Variants in JAK2 observed in about 807,000 individuals in gnomAD.
The protein encoded by JAK2 is Janus kinase 2.
Under a neutral mutation model 139.3 loss-of-function variants are expected in JAK2, and 86 were observed. The ratio of observed to expected loss-of-function variants is 0.62; its 90% CI spans 0.52 to 0.74. The LOEUF is 0.74. Among genes scored for constraint, JAK2 ranks in the 30% least tolerant of loss-of-function variants. The pLI is 0.00. For synonymous variants in JAK2, 490 were observed against 437.7 expected (o/e 1.12, Z -1.49); for missense variants, 1,421 against 1,360.3 (o/e 1.04, Z -0.70).
chr9:4,988,508 T>A (rs1225028903), intron 2 of JAK2, among the ~76,000 whole-genome samples: 2 of 152,120 alleles, frequency 1.3e-5, no homozygotes. Flanking sequence ...GGCCTGGGGG[T>A]GTCGTGAAAA....
chr9:5,018,111 T>G (rs77884404), intron 2 of JAK2, among the ~76,000 whole-genome samples: 430 of 152,330 alleles, frequency 2.8e-3, no homozygotes, highest in African/African-American at 0.01. Flanking sequence ...ATTCTTGATA[T>G]GTGAAGGCTT....
At chr9:5,066,314 GTATTTTCTGATA>G (rs1232200524) in intron 9 of JAK2, among the ~76,000 whole-genome samples, 1 of 152,048 alleles carries the variant, frequency 6.6e-6, no homozygotes, top group African/African-American at 2.4e-5. Flanking sequence ...AGAGATATAA[GTATTTTCTGATA>G]TATAATCTTT....
chr9:5,030,804 G>C (rs968563956), intron 4 of JAK2, among the ~76,000 whole-genome samples: 5 of 151,890 alleles, frequency 3.3e-5, no homozygotes, highest in Non-Finnish European at 5.9e-5. Flanking sequence ...AGTTGGATGT[G>C]TTTGCATTTA....
intron 22 of JAK2, among the ~76,000 whole-genome samples, chr9:5,103,726 C>T (rs1012287319): frequency 2.0e-5 from 3 of 152,154 alleles, no homozygotes; most frequent in Non-Finnish European, 2.9e-5. Context: ...GCTCTCAGAG[C>T]ACAGTGCAAT....
intron 22 of JAK2, among the ~76,000 whole-genome samples, chr9:5,106,520 T>C (rs1821966723): frequency 6.6e-6 from 1 of 152,132 alleles, no homozygotes; most frequent in South Asian, 2.1e-4. Context: ...GAACTAGAAA[T>C]ACCATTTGAC....
At chr9:5,010,102 C>G (rs977870357) in intron 2 of JAK2, among the ~76,000 whole-genome samples, 1 of 152,144 alleles carries the variant, frequency 6.6e-6, no homozygotes, top group Admixed American at 6.5e-5. Flanking sequence ...TCTATTTCCT[C>G]TACTCTGTCA....
intron 18 of JAK2, 93 bp downstream of exon 18, chr9:5,080,776 T>A: frequency 1.0e-6 from 1 of 977,986 alleles, no homozygotes; most frequent in Middle Eastern, 3.0e-4. Context: ...TTAAAACATT[T>A]TCTTGATGTC....
intron 13 of JAK2, 80 bp from the exon 14 acceptor site, chr9:5,073,618 T>A: frequency 9.5e-7 from 1 of 1,048,642 alleles, no homozygotes; most frequent in African/African-American, 1.6e-5. Flanking sequence ...AGTGCATCTT[T>A]ATTATGGCAG....
intron 5 of JAK2, among the ~76,000 whole-genome samples, chr9:5,045,519 C>T (rs914377215): frequency 1.4e-4 from 22 of 152,168 alleles, no homozygotes; most frequent in Admixed American, 1.3e-4. Context: ...ATCTCCAGAA[C>T]ATTTTTCATC....
At chr9:5,071,583 C>T (rs1472629697) in intron 12 of JAK2, among the ~76,000 whole-genome samples, 2 of 151,976 alleles carry the variant, frequency 1.3e-5, no homozygotes, top group East Asian at 3.9e-4. Context: ...TGTAGTGAAC[C>T]TCAAGACAGA....
At chr9:5,116,653 A>C (rs1823201514) in intron 22 of JAK2, among the ~76,000 whole-genome samples, 1 of 152,212 alleles carries the variant, frequency 6.6e-6, no homozygotes, top group African/African-American at 2.4e-5. Flanking sequence ...ATATTTATTA[A>C]GACTCTACTG....
At chr9:5,041,067 C>G (rs1174994221) in intron 4 of JAK2, 2 of 692,130 alleles carry the variant, frequency 2.9e-6, no homozygotes, top group Non-Finnish European at 2.6e-6. Flanking sequence ...GGGCGTCCCT[C>G]AGGTCTACTA....
At chr9:5,047,820 C>T (rs951794910) in intron 5 of JAK2, among the ~76,000 whole-genome samples, 23 of 152,106 alleles carry the variant, frequency 1.5e-4, no homozygotes, top group African/African-American at 5.3e-4. Context: ...AGGCTGGTTT[C>T]AAACACCTGG....
chr9:5,005,632 C>A (rs1174668186), intron 2 of JAK2, among the ~76,000 whole-genome samples: 1 of 152,024 alleles, frequency 6.6e-6, no homozygotes, highest in Non-Finnish European at 1.5e-5. Flanking sequence ...TTTTCCTTTT[C>A]ATGTCCTTAC....
intron 23 of JAK2, 73 bp downstream of exon 23, chr9:5,123,194 T>G (rs910005877): frequency 1.9e-6 from 2 of 1,028,648 alleles, no homozygotes; most frequent in Admixed American, 2.0e-5. Context: ...GGGGTACAAG[T>G]ACAATTTTGC....
rs1257663849 is a variant in JAK2 at position 5,122,409 on chromosome 9, G to C, written c.3060-595G>C. Among the ~76,000 whole-genome samples, 4 of 151,960 alleles carry C rather than the reference G, an allele frequency of 2.6e-5. No individual in the cohort carries two copies. In the East Asian group the frequency reaches 7.7e-4, roughly 29 times the overall value. ...TTTTATAGCTTTAAGTCTTGCCTTG[G>C]AACCAATTTTTTTCTCCAGCATATT... On this transcript the variant is annotated intron_variant, in intron 22 of 24. Coordinates refer to ENST00000381652, the MANE Select transcript of JAK2 (RefSeq NM_004972.4).
At chr9:5,063,854 CATATGTATTAAG>C (rs1318957827) in intron 8 of JAK2, among the ~76,000 whole-genome samples, 2 of 152,124 alleles carry the variant, frequency 1.3e-5, no homozygotes, top group Non-Finnish European at 2.9e-5. Context: ...TACATGTTCA[CATATGTATTAAG>C]ATACAATCAG....
intron 22 of JAK2, among the ~76,000 whole-genome samples, chr9:5,102,415 A>G (rs558462170): frequency 1.6e-4 from 24 of 152,378 alleles, no homozygotes; most frequent in African/African-American, 5.8e-4. Flanking sequence ...TCTACATTTG[A>G]TTGTTGTACC....
intron 8 of JAK2, among the ~76,000 whole-genome samples, chr9:5,064,178 T>A (rs1014913276): frequency 3.3e-5 from 5 of 151,206 alleles, no homozygotes; most frequent in Admixed American, 6.6e-5. Flanking sequence ...AAAAAAATCA[T>A]AGCATAGCTA....
Sources: gnomAD v4.1 joint callset for allele counts (sites outside exome capture counted in the v4.1 genomes callset) on GRCh38, gnomAD v4.1.1 for gene constraint, MANE v1.5 for transcripts, NCBI Gene and HGNC (gene_info 2026-07-23, HGNC 2026-07-21) for gene names.